The following PABPC4L variants were observed in gnomAD, a reference collection of about 807,000 sequenced individuals.
PABPC4L encodes the protein poly(A) binding protein cytoplasmic 4 like, also known as polyadenylate-binding protein 4-like.
For missense variants in PABPC4L, 452 were observed against 451.4 expected (o/e 1.00, Z -0.01); for synonymous variants, 169 against 164.1 (o/e 1.03, Z -0.23).
chr4:133,973,371 G>GAA, the PABPC4L span, among the ~76,000 whole-genome samples: 2,138 of 144,122 alleles, frequency 0.015, 50 homozygotes, highest in African/African-American at 0.049. Flanking sequence ...AAGAGCATAG[G>GAA]AAAAAAAAAA....
At chr4:134,156,430 C>G in the PABPC4L span, among the ~76,000 whole-genome samples, 1 of 151,852 alleles carries the variant, frequency 6.6e-6, no homozygotes, top group African/African-American at 2.4e-5. Context: ...CTTCTACCTT[C>G]TTGATTAGCT....
At chr4:134,081,909 C>A in the PABPC4L span, among the ~76,000 whole-genome samples, 23 of 151,958 alleles carry the variant, frequency 1.5e-4, no homozygotes, top group South Asian at 6.2e-4. Context: ...AATATGGATG[C>A]TGACAATTGA....
the PABPC4L span, among the ~76,000 whole-genome samples, chr4:134,050,552 A>T: frequency 4.7e-3 from 715 of 152,042 alleles, 9 homozygotes; most frequent in African/African-American, 0.016. Context: ...TAAAAATACA[A>T]AGATTTGCCA....
the PABPC4L span, among the ~76,000 whole-genome samples, chr4:134,041,817 C>A: frequency 6.6e-6 from 1 of 152,118 alleles, no homozygotes; most frequent in African/African-American, 2.4e-5. Flanking sequence ...TGCTTATACA[C>A]TGCTGGTGAT....
chr4:134,200,604 T>C lies in PABPC4L; in HGVS notation c.416A>G (p.Tyr139Cys), dbSNP rs1729829746. 1.3e-6 allele frequency: 2 copies of C among 1,551,684 alleles called. No individual in the cohort carries two copies. The highest frequency in any genetic ancestry group is 1.7e-6 in the Non-Finnish European group (2 of 1,146,974). The stretch of plus-strand genomic sequence containing the variant: ...CTGGTTCTGAAAGTGCACAAATGCA[T>C]AGCCCTTGGAGCCTTGATCATCACT... The part of the protein sequence containing the change: ...VMSDDQGSKG[Y>C]AFVHFQNQSA... The change falls in exon 2 of 2, where the codon TAT (tyrosine) becomes TGT (cysteine). Residue 139 changes from tyrosine (Y) to cysteine (C), a missense_variant. Physicochemically the swap from Tyr to Cys is radical, Grantham distance 194 (BLOSUM62 -2). Transcript: ENST00000421491.
At chr4:134,087,647 T>G in the PABPC4L span, among the ~76,000 whole-genome samples, 1 of 152,130 alleles carries the variant, frequency 6.6e-6, no homozygotes, top group Non-Finnish European at 1.5e-5. Flanking sequence ...CATTCCAAGC[T>G]CAGGTGCTTC....
At chr4:133,965,867 TAC>T in the PABPC4L span, among the ~76,000 whole-genome samples, 3 of 152,246 alleles carry the variant, frequency 2.0e-5, no homozygotes, top group Non-Finnish European at 4.4e-5. Context: ...ATAAAAATTC[TAC>T]AAGATAACAT....
chr4:134,158,427 A>G, the PABPC4L span, among the ~76,000 whole-genome samples: 1 of 152,062 alleles, frequency 6.6e-6, no homozygotes, highest in Non-Finnish European at 1.5e-5. Flanking sequence ...TTATGGAAAC[A>G]GTATTCCTTC....
At chr4:134,111,758 T>C in the PABPC4L span, among the ~76,000 whole-genome samples, 6 of 151,950 alleles carry the variant, frequency 3.9e-5, no homozygotes, top group Admixed American at 6.6e-5. Context: ...TGCCACCATG[T>C]GAGTCATGCT....
the PABPC4L span, among the ~76,000 whole-genome samples, chr4:134,184,108 T>C: frequency 0.023 from 3,422 of 151,738 alleles, 130 homozygotes; most frequent in African/African-American, 0.078. Context: ...TAATAAAGAG[T>C]GTATGACACT....
chr4:134,146,385 T>A, the PABPC4L span, among the ~76,000 whole-genome samples: 1 of 151,984 alleles, frequency 6.6e-6, no homozygotes, highest in South Asian at 2.1e-4. Context: ...TACAAAATAA[T>A]AATTTATCAA....
chr4:134,078,455 C>G, the PABPC4L span, among the ~76,000 whole-genome samples: 1 of 151,978 alleles, frequency 6.6e-6, no homozygotes, highest in Admixed American at 6.6e-5. Context: ...TGCCATATTG[C>G]TTAGCACTAA....
the PABPC4L span, among the ~76,000 whole-genome samples, chr4:134,140,431 T>A: frequency 1.3e-5 from 2 of 151,884 alleles, no homozygotes; most frequent in Non-Finnish European, 2.9e-5. Context: ...AATTGTTTTT[T>A]AAATGAATTT....
At chr4:134,046,635 C>T in the PABPC4L span, among the ~76,000 whole-genome samples, 7 of 152,108 alleles carry the variant, frequency 4.6e-5, no homozygotes, top group East Asian at 1.9e-4. Context: ...CTGTCTCAGT[C>T]GGGGGAAACC....
At chr4:133,965,457 G>GA in the PABPC4L span, among the ~76,000 whole-genome samples, 6 of 150,168 alleles carry the variant, frequency 4.0e-5, no homozygotes, top group South Asian at 2.1e-4. Flanking sequence ...TTCACAGAAA[G>GA]AAAAAAAAAT....
At chr4:134,147,257 T>C in the PABPC4L span, among the ~76,000 whole-genome samples, 1 of 152,124 alleles carries the variant, frequency 6.6e-6, no homozygotes, top group South Asian at 2.1e-4. Context: ...CTCAATTGTT[T>C]GTCAATTTTA....
At chr4:134,017,119 T>C in the PABPC4L span, among the ~76,000 whole-genome samples, 363 of 152,260 alleles carry the variant, frequency 2.4e-3, no homozygotes, top group African/African-American at 8.4e-3. Flanking sequence ...CAAGCATTTT[T>C]TCAGGCTCAT....
the PABPC4L span, among the ~76,000 whole-genome samples, chr4:134,174,495 A>G: frequency 3.5e-3 from 530 of 152,302 alleles, 20 homozygotes; most frequent in East Asian, 0.089. Flanking sequence ...TATGACCGCT[A>G]TAACCATGTT....
chr4:134,074,877 A>T, the PABPC4L span, among the ~76,000 whole-genome samples: 47 of 152,028 alleles, frequency 3.1e-4, no homozygotes, highest in East Asian at 7.2e-3. Flanking sequence ...TGATTCAATT[A>T]CCTCCCACTG....
Sources: gnomAD v4.1 joint callset for allele counts (sites outside exome capture counted in the v4.1 genomes callset) on GRCh38, gnomAD v4.1.1 for gene constraint, MANE v1.5 for transcripts, NCBI Gene and HGNC (gene_info 2026-07-23, HGNC 2026-07-21) for gene names.